NRXN3: variants seen among roughly 807,000 people sequenced by gnomAD.
The protein encoded by NRXN3 is neurexin 3.
A neutral mutation model predicts 137.6 loss-of-function variants in NRXN3; 32 were observed. The ratio of observed to expected loss-of-function variants is 0.23; its 90% CI spans 0.18 to 0.31. NRXN3 has a LOEUF of 0.31. Ranked by LOEUF, NRXN3 falls within the 10% of genes least tolerant of loss-of-function variation. The pLI, the probability that NRXN3 is intolerant of heterozygous loss-of-function variation, is 1.00. For missense variants in NRXN3, 1,574 were observed against 2,062.5 expected (o/e 0.76, Z 4.59); for synonymous variants, 798 against 784.5 (o/e 1.02, Z -0.29).
intron 20 of NRXN3, among the ~76,000 whole-genome samples, chr14:79,857,221 GT>G (rs1279694400): frequency 1.8e-5 from 1 of 56,268 alleles, no homozygotes; most frequent in East Asian, 9.7e-4. Context: ...CTACTTTTTT[GT>G]TTGTTTGTTT....
intron 4 of NRXN3, among the ~76,000 whole-genome samples, chr14:78,639,455 A>C (rs1471147776): frequency 6.6e-6 from 1 of 152,210 alleles, no homozygotes; most frequent in Non-Finnish European, 1.5e-5. Context: ...GGCTCTTCTA[A>C]GTATCTAAAA....
At chr14:78,592,084 G>A (rs1472933511) in intron 4 of NRXN3, among the ~76,000 whole-genome samples, 1 of 152,014 alleles carries the variant, frequency 6.6e-6, no homozygotes, top group Non-Finnish European at 1.5e-5. Context: ...TTTTAAACAG[G>A]TCTTGAAAAT....
At chr14:79,253,551 C>A (rs1220547869) in intron 15 of NRXN3, among the ~76,000 whole-genome samples, 3 of 152,200 alleles carry the variant, frequency 2.0e-5, no homozygotes, top group Non-Finnish European at 2.9e-5. Context: ...TCTTCTTATA[C>A]TACCTGAAAC....
At chr14:79,175,259 C>T (rs2062211019) in intron 15 of NRXN3, among the ~76,000 whole-genome samples, 1 of 152,164 alleles carries the variant, frequency 6.6e-6, no homozygotes, top group African/African-American at 2.4e-5. Flanking sequence ...GGATTACAGG[C>T]ATGAGCCACC....
At chr14:78,449,380 T>G (rs1372841804) in intron 4 of NRXN3, among the ~76,000 whole-genome samples, 2 of 152,088 alleles carry the variant, frequency 1.3e-5, no homozygotes, top group African/African-American at 2.4e-5. Context: ...GCCTAGCTAA[T>G]TTTTTGTATT....
chr14:78,211,537 A>G (rs1197777542), intron 1 of NRXN3, among the ~76,000 whole-genome samples: 3 of 152,204 alleles, frequency 2.0e-5, no homozygotes, highest in Non-Finnish European at 4.4e-5. Flanking sequence ...ACCTCTTGCA[A>G]TCACACAGCA....
chr14:78,395,674 T>C (rs2091372751), intron 4 of NRXN3, among the ~76,000 whole-genome samples: 2 of 152,030 alleles, frequency 1.3e-5, no homozygotes, highest in South Asian at 4.1e-4. Flanking sequence ...CTTCACATAC[T>C]TTGCAGATTT....
chr14:78,588,051 T>C (rs1197854917), intron 4 of NRXN3, among the ~76,000 whole-genome samples: 4 of 152,188 alleles, frequency 2.6e-5, no homozygotes, highest in Non-Finnish European at 4.4e-5. Context: ...TTAAACATAA[T>C]AGTAAATAAA....
chr14:79,826,451 T>C (rs528046012), intron 20 of NRXN3, among the ~76,000 whole-genome samples: 14 of 152,348 alleles, frequency 9.2e-5, no homozygotes, highest in African/African-American at 3.1e-4. Context: ...TGAGTGTACA[T>C]GCACACATGA....
intron 20 of NRXN3, among the ~76,000 whole-genome samples, chr14:79,836,984 C>A (rs575394797): frequency 6.6e-6 from 1 of 152,220 alleles, no homozygotes; most frequent in Admixed American, 6.5e-5. Flanking sequence ...GCTCAATATT[C>A]CATGTGTCCA....
chr14:79,033,582 A>G (rs78398819), intron 15 of NRXN3, among the ~76,000 whole-genome samples: 5,381 of 152,158 alleles, frequency 0.035, 307 homozygotes, highest in African/African-American at 0.12. Context: ...AAAGAGTTAT[A>G]TTTTGATCAA....
intron 16 of NRXN3, among the ~76,000 whole-genome samples, chr14:79,657,802 T>C (rs964350645): frequency 1.3e-5 from 2 of 152,218 alleles, no homozygotes; most frequent in African/African-American, 4.8e-5. Flanking sequence ...TTATAAAGCA[T>C]AGTGAGATGT....
chr14:78,882,697 C>A (rs1055558535), intron 10 of NRXN3, among the ~76,000 whole-genome samples: 2 of 151,578 alleles, frequency 1.3e-5, no homozygotes, highest in Non-Finnish European at 2.9e-5. Flanking sequence ...AAAGGACTTG[C>A]CTTGTCTCGG....
rs1176820291 is a variant in NRXN3, at chr14:79,569,278, G to A, written c.3445-94500G>A. Reference sequence around the variant, plus strand: ...TTGCCTTCCACAAGCAGAAGGCTGAGTGTCTTTGTGGCTTAGGAGAGAACA... The same window carrying A: ...TTGCCTTCCACAAGCAGAAGGCTGAATGTCTTTGTGGCTTAGGAGAGAACA... On this transcript the variant is annotated intron_variant, in intron 16 of 20. Coordinates refer to ENST00000335750, the MANE Select transcript of NRXN3 (RefSeq NM_001330195.2). 2.0e-5 allele frequency among the ~76,000 whole-genome samples: 3 copies of A among 151,972 alleles called. No individual in the cohort carries two copies. In the East Asian group the frequency reaches 5.8e-4, roughly 29 times the overall value.
At chr14:79,227,185 G>A (rs1037466921) in intron 15 of NRXN3, among the ~76,000 whole-genome samples, 15 of 152,002 alleles carry the variant, frequency 9.9e-5, no homozygotes, top group East Asian at 5.8e-4. Flanking sequence ...ATTCATTTAC[G>A]TAACACTTAT....
intron 14 of NRXN3, among the ~76,000 whole-genome samples, chr14:78,971,323 G>C (rs556709089): frequency 6.6e-6 from 1 of 151,888 alleles, no homozygotes; most frequent in South Asian, 2.1e-4. Context: ...CTTTTACATA[G>C]AACAGTAAAC....
chr14:78,418,598 C>T (rs1371365725), intron 4 of NRXN3, among the ~76,000 whole-genome samples: 1 of 152,074 alleles, frequency 6.6e-6, no homozygotes, highest in African/African-American at 2.4e-5. Context: ...GTGTGCCTTA[C>T]AAGGAAACAA....
At chr14:79,584,222 C>T (rs2097746128) in intron 16 of NRXN3, among the ~76,000 whole-genome samples, 2 of 152,118 alleles carry the variant, frequency 1.3e-5, no homozygotes, top group African/African-American at 4.8e-5. Flanking sequence ...TTAGTGGATT[C>T]AGCCAAGCAG....
intron 15 of NRXN3, among the ~76,000 whole-genome samples, chr14:79,385,615 C>A (rs2094591486): frequency 6.6e-6 from 1 of 152,114 alleles, no homozygotes; most frequent in South Asian, 2.1e-4. Flanking sequence ...ATGGGCTGAG[C>A]ACTCAGACTT....
Sources: allele counts gnomAD v4.1 joint callset (sites outside exome capture counted in the v4.1 genomes callset), GRCh38; gene constraint gnomAD v4.1.1; transcripts MANE v1.5; gene names NCBI Gene and HGNC (gene_info 2026-07-23, HGNC 2026-07-21).